The following MELK variants were observed in gnomAD, a reference collection of about 807,000 sequenced individuals.
The protein encoded by MELK is pEg3 kinase.
A neutral mutation model predicts 85.0 loss-of-function variants in MELK; 81 were observed. The ratio of observed to expected loss-of-function variants is 0.95; its 90% CI spans 0.80 to 1.15. The LOEUF is 1.15. Among genes scored for constraint, MELK ranks in the 50% most tolerant of loss-of-function variants. The pLI is 0.00. For missense variants in MELK, 754 were observed against 777.5 expected (o/e 0.97, Z 0.36); for synonymous variants, 252 against 265.0 (o/e 0.95, Z 0.48).
chr9:36,618,812 G>A (rs1157724575), intron 8 of MELK, among the ~76,000 whole-genome samples: 1 of 152,108 alleles, frequency 6.6e-6, no homozygotes, highest in Non-Finnish European at 1.5e-5. Context: ...CATAGTGTAG[G>A]TTATATAGGG....
chr9:36,636,394 C>G (rs915952570), intron 10 of MELK, among the ~76,000 whole-genome samples: 29 of 151,814 alleles, frequency 1.9e-4, no homozygotes, highest in Non-Finnish European at 4.1e-4. Flanking sequence ...CCCAACTACT[C>G]GGGAGGCTGA....
At chr9:36,599,121 C>T (rs1824625299) in intron 6 of MELK, among the ~76,000 whole-genome samples, 1 of 151,968 alleles carries the variant, frequency 6.6e-6, no homozygotes, top group Non-Finnish European at 1.5e-5. Context: ...CATGGCAAAA[C>T]CCCGTCTATA....
intron 13 of MELK, among the ~76,000 whole-genome samples, chr9:36,661,647 C>A (rs2137669648): frequency 6.6e-6 from 1 of 152,080 alleles, no homozygotes; most frequent in East Asian, 1.9e-4. Context: ...TTAAAAATAA[C>A]ATAGCTAGGC....
Position 36,640,395 on chromosome 9 carries a change from G to A in MELK, c.835-2602G>A, listed in dbSNP as rs184312477. On this transcript the variant is annotated intron_variant, in intron 10 of 17. Transcript: ENST00000298048. ...TTGCTGTGTCCTCACGTGGTGGAAC[G>A]GGAGAAAGGGGAAAGGCCTCTGGAG... Among the ~76,000 whole-genome samples the A allele has an allele frequency of 6.2e-4, 94 of 152,248 alleles. 1 individual carries two copies. The highest frequency in any genetic ancestry group is 9.4e-4 in the Non-Finnish European group (64 of 68,018).
Position 36,615,376 on chromosome 9 carries a change from G to A in MELK, c.666+7703G>A, listed in dbSNP as rs535460725. Among the ~76,000 whole-genome samples, 333 of 132,588 alleles carry A rather than the reference G, an allele frequency of 2.5e-3. 3 individuals are homozygous for A. The highest frequency in any genetic ancestry group is 7.4e-3 in the African/African-American group (228 of 30,830). The allele number at this position is 132,588 out of a possible 152,430, so 87.0% of individuals were successfully genotyped here. On this transcript the variant is annotated intron_variant, in intron 8 of 17. Coordinates refer to ENST00000298048, the MANE Select transcript of MELK (RefSeq NM_014791.4). The stretch of plus-strand genomic sequence containing the variant: ...CCCCCACCTCCCTCCCGGTCGGCAC[G>A]GCTGGCCGGGCGGGGGGCTGACCCC...
intron 8 of MELK, among the ~76,000 whole-genome samples, chr9:36,609,479 G>C (rs1825885695): frequency 7.4e-6 from 1 of 134,344 alleles, no homozygotes; most frequent in Admixed American, 8.1e-5. Context: ...ATAAGGTCTT[G>C]CTGTGTCACC....
intron 5 of MELK, among the ~76,000 whole-genome samples, chr9:36,595,005 C>T (rs563180539): frequency 4.7e-5 from 7 of 149,232 alleles, no homozygotes; most frequent in Non-Finnish European, 7.4e-5. Context: ...CGGCTCACTG[C>T]GACCTCCGCC....
intron 3 of MELK, 48 bp downstream of exon 3, chr9:36,583,760 G>A (rs760111167): frequency 6.7e-6 from 9 of 1,349,030 alleles, no homozygotes; most frequent in African/African-American, 2.9e-5. Flanking sequence ...GATCAGTTTC[G>A]TGAATTAAAA....
intron 9 of MELK, among the ~76,000 whole-genome samples, chr9:36,632,264 G>T (rs946796069): frequency 2.6e-5 from 4 of 152,156 alleles, no homozygotes; most frequent in African/African-American, 9.7e-5. Context: ...GAGCCTCTGA[G>T]GGTGAAAGAT....
chr9:36,675,010 G>A (rs1397845037), intron 17 of MELK, 73 bp downstream of exon 17: 4 of 1,126,492 alleles, frequency 3.6e-6, no homozygotes, highest in Non-Finnish European at 5.3e-6. Context: ...AGTTGGTTGG[G>A]CGCGGTGGCT....
chr9:36,638,477 G>T (rs1228204385), intron 10 of MELK, among the ~76,000 whole-genome samples: 1 of 152,030 alleles, frequency 6.6e-6, no homozygotes, highest in African/African-American at 2.4e-5. Flanking sequence ...TAGAGACGGG[G>T]TTTATCCATG....
chr9:36,599,789 G>A (rs576183731), intron 7 of MELK, among the ~76,000 whole-genome samples: 25 of 152,292 alleles, frequency 1.6e-4, no homozygotes, highest in East Asian at 7.7e-4. Context: ...AACAAAAGAC[G>A]AAGGTTCCAG....
chr9:36,608,426 T>C (rs1825772264), intron 8 of MELK, among the ~76,000 whole-genome samples: 1 of 151,432 alleles, frequency 6.6e-6, no homozygotes, highest in African/African-American at 2.4e-5. Context: ...TGTATATATA[T>C]ATATATATGG....
At chr9:36,614,468 T>C (rs1826375344) in intron 8 of MELK, among the ~76,000 whole-genome samples, 1 of 135,010 alleles carries the variant, frequency 7.4e-6, no homozygotes, top group Non-Finnish European at 1.6e-5. Flanking sequence ...TTGATAATTC[T>C]TGGGTGTTTC....
intron 3 of MELK, 96 bp from the exon 4 acceptor site, chr9:36,589,440 C>A: frequency 1.0e-6 from 1 of 977,060 alleles, no homozygotes; most frequent in South Asian, 1.4e-5. Flanking sequence ...AGCCACCGTG[C>A]CCGGCCAGCT....
chr9:36,659,199 A>T (rs1178135715), intron 13 of MELK, among the ~76,000 whole-genome samples: 1 of 150,912 alleles, frequency 6.6e-6, no homozygotes, highest in Non-Finnish European at 1.5e-5. Context: ...GTGTTTTTGT[A>T]AAGATGGGGT....
At chr9:36,591,421 A>C (rs1461752975) in intron 4 of MELK, among the ~76,000 whole-genome samples, 1 of 151,978 alleles carries the variant, frequency 6.6e-6, no homozygotes, top group Non-Finnish European at 1.5e-5. Flanking sequence ...AAAAATACAA[A>C]AACTTAGCCA....
At chr9:36,650,302 C>A (rs1490352345) in intron 11 of MELK, among the ~76,000 whole-genome samples, 6 of 151,456 alleles carry the variant, frequency 4.0e-5, no homozygotes, top group Admixed American at 6.6e-5. Context: ...GAGAAATATT[C>A]CAGAACTGAA....
chr9:36,668,756 G>A (rs573754832), intron 14 of MELK, among the ~76,000 whole-genome samples: 29 of 151,902 alleles, frequency 1.9e-4, no homozygotes, highest in African/African-American at 4.8e-4. Flanking sequence ...CTCATGATCC[G>A]CCCTCCTCGG....
Sources: allele counts gnomAD v4.1 joint callset (sites outside exome capture counted in the v4.1 genomes callset), GRCh38; gene constraint gnomAD v4.1.1; transcripts MANE v1.5; gene names NCBI Gene and HGNC (gene_info 2026-07-23, HGNC 2026-07-21).